KRT73: variants seen among roughly 807,000 people sequenced by gnomAD.
The protein encoded by KRT73 is keratin 73, also known as keratin, type II cytoskeletal 73.
A neutral mutation model predicts 47.2 loss-of-function variants in KRT73; 44 were observed. The observed-to-expected ratio is 0.93, with a 90% CI of 0.73 to 1.20. KRT73 has a LOEUF of 1.20. Ranked by LOEUF, KRT73 falls within the 50% of genes most tolerant of loss-of-function variation. KRT73 has a pLI of 0.00. For synonymous variants in KRT73, 285 were observed against 291.3 expected (o/e 0.98, Z 0.22); for missense variants, 713 against 704.5 (o/e 1.01, Z -0.14).
intron 5 of KRT73, 72 bp from the exon 6 acceptor site, chr12:52,611,401 T>C (rs1211111823): frequency 6.3e-7 from 1 of 1,584,544 alleles, no homozygotes; most frequent in African/African-American, 1.3e-5. Context: ...ACAGAGACTG[T>C]GCCTGCACTT....
chr12:52,616,838 C>A (rs1940825093), intron 1 of KRT73, among the ~76,000 whole-genome samples: 1 of 152,168 alleles, frequency 6.6e-6, no homozygotes, highest in African/African-American at 2.4e-5. Flanking sequence ...CCCAGCCCAG[C>A]CAGAGGCAGA....
chr12:52,612,441 G>A (rs1327015896), intron 5 of KRT73: 1 of 152,196 alleles, frequency 6.6e-6, no homozygotes, highest in East Asian at 1.9e-4. Flanking sequence ...CTGTCACTGG[G>A]TGCTCCACCC....
At chr12:52,625,589 AC>A in the KRT73 span, among the ~76,000 whole-genome samples, 1 of 152,222 alleles carries the variant, frequency 6.6e-6, no homozygotes, top group Non-Finnish European at 1.5e-5. Context: ...TTTTTAAAGA[AC>A]CAAACAAGCA....
At chr12:52,608,498 G>T in intron 8 of KRT73, 46 bp from the exon 9 acceptor site, 1 of 1,515,824 alleles carries the variant, frequency 6.6e-7, no homozygotes, top group Non-Finnish European at 8.8e-7. Flanking sequence ...TCCCAGGACA[G>T]AGGTGGCCTT....
At position 52,618,559 on chromosome 12, in the gene KRT73, A is replaced by G; in HGVS notation, c.-35T>C. 6.4e-7 allele frequency: 1 copy of G among 1,558,692 alleles called. No individual in the cohort carries two copies. The highest frequency in any genetic ancestry group is 2.3e-5 in the East Asian group (1 of 44,396). ...GCCAGAAAGTGGGGATAAGATGCTG[A>G]CCCTTAGCTGAGATGCAGTTCACCA... is the stretch of plus-strand genomic sequence containing the variant. On this transcript the variant is annotated 5_prime_UTR_variant, in exon 1 of 9. Transcript: ENST00000305748.
intron 8 of KRT73, 78 bp from the exon 9 acceptor site, chr12:52,608,530 GC>G: frequency 1.5e-6 from 2 of 1,298,778 alleles, no homozygotes; most frequent in Non-Finnish European, 2.1e-6. Context: ...CAACCTCCCA[GC>G]CCCACTAGCT....
In KRT73 at chr12:52,616,173, T is replaced by G. The variant is rs756503985; in HGVS notation, c.655A>C (p.Lys219Gln). 6.2e-7 allele frequency: 1 copy of G among 1,613,916 alleles called. No homozygotes were observed. Among genetic ancestry groups the G allele is most frequent in the East Asian group, 2.2e-5 (1 of 44,890 alleles). ...GAGTGGCGTCCTGCTCACCTCTTCT[T>G]GTAGTCCTCCACCACTTCGCGCACG... The part of the protein sequence containing the change: ...RSVREVVEDY[K>Q]KRYEEEINKR... The change falls in exon 2 of 9, where the codon AAG becomes CAG. Residue 219 changes from lysine to glutamine, a missense_variant. Physicochemically the swap from Lys to Gln is moderately conservative, Grantham distance 53. Coordinates refer to ENST00000305748, the MANE Select transcript of KRT73 (RefSeq NM_175068.3).
At chr12:52,620,109 CTTTTTTTTT>C (rs10638831), upstream of KRT73, among the ~76,000 whole-genome samples, 1 of 94,446 alleles carries the variant, frequency 1.1e-5, no homozygotes, top group African/African-American at 4.3e-5. Flanking sequence ...TCCTTTTTTT[CTTTTTTTTT>C]TTTTTTTTTT....
the KRT73 span, among the ~76,000 whole-genome samples, chr12:52,625,725 A>C: frequency 6.6e-6 from 1 of 152,212 alleles, no homozygotes; most frequent in African/African-American, 2.4e-5. Context: ...AAAAAATGCA[A>C]ACAATCCAGG....
At chr12:52,609,372 A>G in intron 7 of KRT73, 91 bp from the exon 8 acceptor site, 1 of 1,052,960 alleles carries the variant, frequency 9.5e-7, no homozygotes, top group South Asian at 1.3e-5. Flanking sequence ...ATCCCCAGCC[A>G]GACCAGCTCA....
chr12:52,616,073 C>A, intron 2 of KRT73, 93 bp downstream of exon 2: 1 of 1,482,540 alleles, frequency 6.7e-7, no homozygotes. Context: ...CAGATGAACC[C>A]AATACCTCCA....
Position 52,608,378 on chromosome 12 carries a change from C to A in KRT73, c.1441G>T (p.Gly481Cys), listed in dbSNP as rs199933409. ...GFGFSNAGTYGYWPSSVSGGY... is the reference protein window; with the variant it reads ...GFGFSNAGTYCYWPSSVSGGY... ...CCGCTGACAGAGCTGGGCCAGTAGC[C>A]GTAGGTGCCAGCATTGCTGAATCCA... The change falls in exon 9 of 9, where the codon GGC becomes TGC. Residue 481 changes from glycine to cysteine, a missense_variant. Transcript: ENST00000305748. 1 of 1,613,192 alleles carries A rather than the reference C, an allele frequency of 6.2e-7. No individual in the cohort carries two copies. Among genetic ancestry groups the A allele is most frequent in the Non-Finnish European group, 8.5e-7 (1 of 1,180,018 alleles).
chr12:52,627,640 T>C, the KRT73 span, among the ~76,000 whole-genome samples: 2 of 152,164 alleles, frequency 1.3e-5, no homozygotes, highest in African/African-American at 4.8e-5. Context: ...TCTGGCCATT[T>C]AGTTACCTGA....
chr12:52,610,533 C>CT lies in KRT73; in HGVS notation c.1331+81_1331+82insA. On this transcript the variant is annotated intron_variant, in intron 7 of 8. Coordinates refer to ENST00000305748, the MANE Select transcript of KRT73 (RefSeq NM_175068.3). ...TAAACACATCGCCAGCTCGCCGCCCCCTCCCCCCCGCCCCCAACCACACTC... is the reference window on the plus strand; with the variant it reads ...TAAACACATCGCCAGCTCGCCGCCCCTCTCCCCCCCGCCCCCAACCACACTC... 3 of 183,894 alleles carry CT rather than the reference C, an allele frequency of 1.6e-5. 1 individual carries two copies. In the South Asian group the frequency reaches 2.1e-4, roughly 13 times the overall value. The allele number at this position is 183,894 out of a possible 1,614,324, so 11.4% of individuals were successfully genotyped here.
chr12:52,617,358 T>G (rs893527131), intron 1 of KRT73, among the ~76,000 whole-genome samples: 1 of 152,194 alleles, frequency 6.6e-6, no homozygotes, highest in Non-Finnish European at 1.5e-5. Flanking sequence ...CTTGTTAAAA[T>G]GCAGGGTGCT....
chr12:52,609,660 G>A (rs1940653742), intron 7 of KRT73, among the ~76,000 whole-genome samples: 1 of 152,218 alleles, frequency 6.6e-6, no homozygotes, highest in African/African-American at 2.4e-5. Flanking sequence ...TTTGGGGCAA[G>A]TGACTTCTCT....
chr12:52,613,214 G>A (rs1204409596), intron 5 of KRT73, among the ~76,000 whole-genome samples: 2 of 152,230 alleles, frequency 1.3e-5, no homozygotes, highest in African/African-American at 4.8e-5. Flanking sequence ...ACCATTAGGG[G>A]AGTTAAGATC....
intron 5 of KRT73, among the ~76,000 whole-genome samples, chr12:52,611,919 C>T (rs1271708394): frequency 6.6e-6 from 1 of 152,192 alleles, no homozygotes; most frequent in Non-Finnish European, 1.5e-5. Flanking sequence ...AATTCTATTC[C>T]GTTGCCACTG....
At chr12:52,627,575 A>C in the KRT73 span, among the ~76,000 whole-genome samples, 1 of 152,302 alleles carries the variant, frequency 6.6e-6, no homozygotes, top group South Asian at 2.1e-4. Context: ...GAGACGAAAC[A>C]GGAGAGTTGC....
Sources: gnomAD v4.1 joint callset for allele counts (sites outside exome capture counted in the v4.1 genomes callset) on GRCh38, gnomAD v4.1.1 for gene constraint, MANE v1.5 for transcripts, NCBI Gene and HGNC (gene_info 2026-07-23, HGNC 2026-07-21) for gene names.